Variants in CROCC2 observed in about 807,000 individuals in gnomAD.
CROCC2 encodes ciliary rootlet coiled-coil protein 2.
In CROCC2, 163 loss-of-function variants were observed where a neutral mutation model predicts 177.6. The ratio of observed to expected loss-of-function variants is 0.92; its 90% CI spans 0.81 to 1.05. The LOEUF is 1.05. CROCC2 is among the 50% of genes least tolerant of loss of function. The pLI is 0.00. For synonymous variants in CROCC2, 904 were observed against 787.3 expected, an observed-to-expected ratio of 1.15 and a Z score of -2.48; for missense variants, 1,929 against 1,797.8, an observed-to-expected ratio of 1.07 and a Z score of -1.32.
chr2:240,919,103 C>T (rs1326790215), intron 2 of CROCC2, among the ~76,000 whole-genome samples: 1 of 146,018 alleles, frequency 6.8e-6, no homozygotes, highest in African/African-American at 2.5e-5. Context: ...GCGTGGGGGA[C>T]GGTCCTGGGC....
intron 3 of CROCC2, among the ~76,000 whole-genome samples, chr2:240,920,530 A>C (rs914318229): frequency 3.3e-5 from 5 of 152,242 alleles, no homozygotes; most frequent in Non-Finnish European, 7.3e-5. Context: ...TGCACAGCAG[A>C]GGAAAGCAGG....
At chr2:240,989,394 G>A in intron 29 of CROCC2, among the ~76,000 whole-genome samples, 1 of 152,090 alleles carries the variant, frequency 6.6e-6, no homozygotes, top group East Asian at 1.9e-4. Context: ...AAGGAACCTG[G>A]GGTGCCATGA....
intron 20 of CROCC2, among the ~76,000 whole-genome samples, chr2:240,961,989 GCCCACACACACACTCATCA>G (rs1438069536): frequency 2.7e-4 from 38 of 138,358 alleles, no homozygotes; most frequent in African/African-American, 9.4e-4. Flanking sequence ...ACTTGCACCG[GCCCACACACACACTCATCA>G]CCCACACACA....
rs1346001173 is a variant in CROCC2 at position 240,959,122 on chromosome 2, C to G, written c.2944-179C>G. 6.1e-6 allele frequency: 4 copies of G among 652,924 alleles called. No homozygotes were observed. The African/African-American group carries it at 7.4e-5, about 12-fold the overall frequency. 40.4% of individuals were successfully genotyped at this position (652,924 alleles called of 1,614,324 possible). The stretch of plus-strand genomic sequence containing the variant: ...CGTGGATGTCTCCTCATCCCAGCAG[C>G]CTGTTTGACAGTTTAGGAAACCAAG... On this transcript the variant is annotated intron_variant, in intron 19 of 31. Coordinates refer to ENST00000690015, the MANE Select transcript of CROCC2 (RefSeq NM_001351305.2).
chr2:240,917,733 A>G lies in CROCC2; in HGVS notation c.79-993A>G, dbSNP rs983599790. Among the ~76,000 whole-genome samples, 2 of 152,186 alleles carry G rather than the reference A, an allele frequency of 1.3e-5. No homozygotes were observed. Among genetic ancestry groups the G allele is most frequent in the Admixed American group, 6.5e-5 (1 of 15,288 alleles). ...GGCAAGCATCCAGTCACCCTTTAGTAGTTAATTCACTGCCTGAAATTCAGA... is the reference window on the plus strand; with the variant it reads ...GGCAAGCATCCAGTCACCCTTTAGTGGTTAATTCACTGCCTGAAATTCAGA... On this transcript the variant is annotated intron_variant, in intron 1 of 31. Coordinates refer to ENST00000690015, the MANE Select transcript of CROCC2 (RefSeq NM_001351305.2). The surrounding 1 kb of genome is among the most constrained non-coding windows in gnomAD (Gnocchi z 4.9).
intron 28 of CROCC2, 189 bp downstream of exon 28, chr2:240,983,218 GA>G: frequency 1.2e-6 from 1 of 861,900 alleles, no homozygotes; most frequent in Non-Finnish European, 1.7e-6. Flanking sequence ...GACAGATGGG[GA>G]AACTGAGCCT....
At chr2:240,912,391 T>C (rs1478365541) in intron 1 of CROCC2, among the ~76,000 whole-genome samples, 2 of 152,228 alleles carry the variant, frequency 1.3e-5, no homozygotes, top group East Asian at 1.9e-4. Flanking sequence ...TGACTGGCTA[T>C]GAATTAGGGG....
rs1054895320 is a variant in CROCC2 at position 240,917,197 on chromosome 2, G to C, written c.79-1529G>C. 6.6e-6 allele frequency among the ~76,000 whole-genome samples: 1 copy of C among 151,904 alleles called. No individual in the cohort carries two copies. Among genetic ancestry groups the C allele is most frequent in the Non-Finnish European group, 1.5e-5 (1 of 68,032 alleles). ...AGACCTCAGCTGATAGTGGGGAGGCGTTTGCTGAGTGGCTGCCCTTTGCAG... is the reference window on the plus strand; with the variant it reads ...AGACCTCAGCTGATAGTGGGGAGGCCTTTGCTGAGTGGCTGCCCTTTGCAG... On this transcript the variant is annotated intron_variant, in intron 1 of 31. Transcript: ENST00000690015. This position sits in a 1 kb window ranked among gnomAD's most constrained non-coding sequence, Gnocchi z 4.9.
At chr2:240,927,019 T>C (rs1290246518) in intron 5 of CROCC2, among the ~76,000 whole-genome samples, 3 of 152,214 alleles carry the variant, frequency 2.0e-5, no homozygotes, top group African/African-American at 7.2e-5. Context: ...TGAGCTCAGT[T>C]TGGCATTCGA....
intron 24 of CROCC2, 96 bp from the exon 25 acceptor site, chr2:240,966,128 CA>C (rs1395914028): frequency 7.1e-6 from 9 of 1,259,420 alleles, no homozygotes; most frequent in African/African-American, 1.5e-5. Flanking sequence ...GCCGTCTCCC[CA>C]ACCTCCCATG....
chr2:240,963,697 C>A lies in CROCC2; in HGVS notation c.3229C>A (p.Arg1077Ser). ...EARRALSDEA[R>S]EKDVLLLFNS... Reference sequence around the variant, plus strand: ...CCGCCGGGCGCTGAGTGACGAGGCCCGCGAGAAGGACGTACTGTTGCTTTT... The same window carrying A: ...CCGCCGGGCGCTGAGTGACGAGGCCAGCGAGAAGGACGTACTGTTGCTTTT... The change falls in exon 21 of 32, where the codon CGC becomes AGC. Residue 1077 changes from arginine to serine, a missense_variant. Transcript: ENST00000690015. The A allele has an allele frequency of 1.9e-6, 3 of 1,550,238 alleles. No individual in the cohort carries two copies. The highest frequency in any genetic ancestry group is 1.2e-5 in the South Asian group (1 of 84,050).
Position 240,982,949 on chromosome 2 carries a change from G to A in CROCC2, c.4471G>A (p.Gly1491Arg). 1 of 1,550,488 alleles carries A rather than the reference G, an allele frequency of 6.4e-7. No individual in the cohort carries two copies. The highest frequency in any genetic ancestry group is 8.7e-7 in the Non-Finnish European group (1 of 1,146,972). ...RRHSQGLAKQ[G>R]KLLEEQLTNL... Reference sequence around the variant, plus strand: ...GCACAGCCAAGGTCTGGCCAAGCAGGGGAAGCTGCTGGAAGAACAGCTCAC... The same window carrying A: ...GCACAGCCAAGGTCTGGCCAAGCAGAGGAAGCTGCTGGAAGAACAGCTCAC... Residue 1491 changes from glycine (G) to arginine (R), a missense_variant, in exon 28 of 32, where the codon GGG becomes AGG. Physicochemically the swap from Gly to Arg is moderately radical, Grantham distance 125. Around this residue, in one of 3 missense-constraint regions of CROCC2, gnomAD observed 388 missense variants for 352.7 expected, o/e 1.10. Transcript: ENST00000690015. The surrounding 1 kb of genome is among the most constrained non-coding windows in gnomAD (Gnocchi z 4.7).
At position 240,968,193 on chromosome 2, in the gene CROCC2, G is replaced by A. The variant is rs1247011932; in HGVS notation, c.4332G>A (p.Ala1444=). ...CAGCACGTGCCCTGCAGAAGGAGGC[G>A]CTCCGCAGGCTGGAGTTGGAGCACC... ...ARAARALQKE[A]LRRLELEHLA... is the part of the protein sequence containing the mutation. Residue 1444 remains alanine (A), a synonymous_variant, in exon 27 of 32, where the codon GCG becomes GCA. Coordinates refer to ENST00000690015, the MANE Select transcript of CROCC2 (RefSeq NM_001351305.2). 43 of 1,532,686 alleles carry A rather than the reference G, an allele frequency of 2.8e-5. No homozygotes were observed. The highest frequency in any genetic ancestry group is 3.3e-5 in the Non-Finnish European group (38 of 1,145,078). The allele number at this position is 1,532,686 out of a possible 1,614,324, so 94.9% of individuals were successfully genotyped here.
chr2:240,923,281 G>A (rs2059369150), intron 4 of CROCC2, among the ~76,000 whole-genome samples: 2 of 151,690 alleles, frequency 1.3e-5, no homozygotes, highest in Non-Finnish European at 2.9e-5. Context: ...CCCCGCCACC[G>A]CTGTCAGTGA....
chr2:240,918,823 C>T lies in CROCC2; in HGVS notation c.176C>T (p.Pro59Leu). 1.6e-6 allele frequency: 1 copy of T among 623,008 alleles called. No homozygotes were observed. The highest frequency in any genetic ancestry group is 2.9e-6 in the Non-Finnish European group (1 of 340,588). 38.6% of individuals were successfully genotyped at this position (623,008 alleles called of 1,614,324 possible). A position where few individuals can be genotyped will look rare whatever the true frequency, so the allele number is the denominator to read the frequency against. The part of the protein sequence containing the change: ...EGRQASPTPV[P>L]TRIREIVAGS... ...CGGCAGGCCTCGCCCACCCCCGTGCCCACCCGCATCCGTGAGATCGTGGCC... is the reference window on the plus strand; with the variant it reads ...CGGCAGGCCTCGCCCACCCCCGTGCTCACCCGCATCCGTGAGATCGTGGCC... The change falls in exon 2 of 32, where the codon CCC becomes CTC. Residue 59 changes from proline to leucine, a missense_variant. By Grantham distance (98) the Pro-to-Leu change is moderately conservative (BLOSUM62 -3). Coordinates refer to ENST00000690015, the MANE Select transcript of CROCC2 (RefSeq NM_001351305.2). This position sits in a 1 kb window ranked among gnomAD's most constrained non-coding sequence, Gnocchi z 6.3.
chr2:240,980,250 TG>T (rs2059789549), intron 27 of CROCC2, among the ~76,000 whole-genome samples: 2 of 63,728 alleles, frequency 3.1e-5, no homozygotes, highest in Admixed American at 1.5e-4. Flanking sequence ...GCTCAGTCTC[TG>T]GGGTAGGAGC....
In CROCC2 at chr2:240,935,522, G is replaced by A; in HGVS notation, c.2103G>A (p.Glu701=). Residue 701 remains glutamate, a synonymous_variant, in exon 14 of 32, where the codon GAG becomes GAA. Transcript: ENST00000690015. ...GCGGACGCCTGGAGCAGCGGCAGGA[G>A]CAGCTGGAGGGGCAGGCAGCCCTGC... ...QACGRLEQRQ[E]QLEGQAALLG... is the part of the protein sequence containing the mutation. 1 of 1,349,990 alleles carries A rather than the reference G, an allele frequency of 7.4e-7. No individual in the cohort carries two copies. 83.6% of individuals were successfully genotyped at this position (1,349,990 alleles called of 1,614,324 possible).
intron 1 of CROCC2, among the ~76,000 whole-genome samples, chr2:240,915,051 C>G (rs1177595720): frequency 5.3e-5 from 8 of 152,182 alleles, no homozygotes; most frequent in Non-Finnish European, 1.5e-5. Context: ...AGGCGGAAGC[C>G]TTTTGCAGGC....
At chr2:240,959,504 G>A in intron 20 of CROCC2, 60 bp downstream of exon 20, 2 of 1,524,668 alleles carry the variant, frequency 1.3e-6, no homozygotes, top group Non-Finnish European at 1.8e-6. Flanking sequence ...AGCAGGGCAG[G>A]TACCAAGAGA....
Sources: allele counts gnomAD v4.1 joint callset (sites outside exome capture counted in the v4.1 genomes callset), GRCh38; gene constraint gnomAD v4.1.1; regional missense constraint gnomAD v4.1.1; non-coding constraint Gnocchi (gnomAD v3.1); transcripts MANE v1.5; gene names NCBI Gene and HGNC (gene_info 2026-07-23, HGNC 2026-07-21).